Variants in NDST3 observed in about 807,000 individuals in gnomAD.
NDST3 encodes N-deacetylase and N-sulfotransferase 3, also known as bifunctional heparan sulfate N-deacetylase/N-sulfotransferase 3.
NDST3 carries 58 observed loss-of-function variants against 96.1 expected under a neutral mutation model. That is an observed-to-expected ratio of 0.60 (90% CI 0.49 to 0.75). The LOEUF (loss-of-function observed/expected upper bound fraction) is 0.75. Ranked by LOEUF, NDST3 falls within the 30% of genes least tolerant of loss-of-function variation. NDST3 has a pLI of 0.00. For missense variants in NDST3, 788 were observed against 1,034.2 expected, an observed-to-expected ratio of 0.76 and a Z score of 3.27; for synonymous variants, 333 against 359.7, an observed-to-expected ratio of 0.93 and a Z score of 0.84.
In NDST3 at chr4:118,221,518, C is replaced by T. The variant is rs180831347; in HGVS notation, c.1540-2973C>T. ...CGTTTGCACCAGGACCTGTATTTTG[C>T]TTTTTATTCTTGGTAATGAGCCATG... On this transcript the variant is annotated intron_variant, in intron 6 of 13. Coordinates refer to ENST00000296499, the MANE Select transcript of NDST3 (RefSeq NM_004784.3). Among the ~76,000 whole-genome samples, 6 of 152,032 alleles carry T rather than the reference C, an allele frequency of 3.9e-5. No individual in the cohort carries two copies. In the East Asian group the frequency reaches 1.2e-3, roughly 29 times the overall value.
intron 2 of NDST3, among the ~76,000 whole-genome samples, chr4:118,093,291 C>CTG (rs1729029947): frequency 1.3e-5 from 2 of 151,784 alleles, no homozygotes; most frequent in East Asian, 3.9e-4. Context: ...TCCTTTTCTC[C>CTG]TCAAAACATG....
In NDST3 at chr4:118,220,929, A is replaced by C. The variant is rs187236260; in HGVS notation, c.1540-3562A>C. 1.4e-3 allele frequency among the ~76,000 whole-genome samples: 216 copies of C among 152,186 alleles called. 1 individual carries two copies. Among genetic ancestry groups the C allele is most frequent in the African/African-American group, 4.9e-3 (205 of 41,542 alleles). On this transcript the variant is annotated intron_variant, in intron 6 of 13. Coordinates refer to ENST00000296499, the MANE Select transcript of NDST3 (RefSeq NM_004784.3). ...GTTAGATCTTTCCTATATGAATAAA[A>C]TATATATTTCTATGGAAAATAAAAG...
chr4:118,134,746 C>T (rs1239006638), intron 4 of NDST3, among the ~76,000 whole-genome samples: 1 of 152,152 alleles, frequency 6.6e-6, no homozygotes, highest in Non-Finnish European at 1.5e-5. Context: ...ATTAATTCCA[C>T]TTGTGATCCA....
chr4:118,082,472 C>T (rs1207970075), intron 2 of NDST3, among the ~76,000 whole-genome samples: 2 of 152,190 alleles, frequency 1.3e-5, no homozygotes, highest in African/African-American at 4.8e-5. Flanking sequence ...CCTGCACATA[C>T]AGTGGGTTGC....
chr4:118,232,878 T>C lies in NDST3; in HGVS notation c.1820-134T>C, dbSNP rs924223624. 3.2e-6 allele frequency: 3 copies of C among 924,332 alleles called. No individual in the cohort carries two copies. The African/African-American group carries it at 5.0e-5, about 15-fold the overall frequency. The allele number at this position is 924,332 out of a possible 1,614,324, so 57.3% of individuals were successfully genotyped here. A position where few individuals can be genotyped will look rare whatever the true frequency, so the allele number is the denominator to read the frequency against. On this transcript the variant is annotated intron_variant, in intron 8 of 13. Transcript: ENST00000296499. ...CTTCTATTAAACTGCCGATTATCTA[T>C]TCAATTTATTTCCAGCAGTAGTTGT... is the stretch of plus-strand genomic sequence containing the variant.
intron 4 of NDST3, among the ~76,000 whole-genome samples, chr4:118,127,652 T>G (rs1468499145): frequency 6.6e-6 from 1 of 152,068 alleles, no homozygotes; most frequent in Non-Finnish European, 1.5e-5. Context: ...TTCTTTTTGT[T>G]CAGGATAGCT....
chr4:118,093,825 T>C (rs998148116), intron 2 of NDST3, among the ~76,000 whole-genome samples: 2 of 151,876 alleles, frequency 1.3e-5, no homozygotes, highest in African/African-American at 4.8e-5. Flanking sequence ...GGGTAATTTA[T>C]AAATAATAGA....
At chr4:118,191,545 G>T (rs1737305380) in intron 6 of NDST3, among the ~76,000 whole-genome samples, 1 of 152,098 alleles carries the variant, frequency 6.6e-6, no homozygotes, top group Non-Finnish European at 1.5e-5. Flanking sequence ...AGCATGGATG[G>T]GTCTGAAAAA....
intron 6 of NDST3, among the ~76,000 whole-genome samples, chr4:118,148,239 A>C (rs1245105699): frequency 6.6e-6 from 1 of 152,230 alleles, no homozygotes; most frequent in African/African-American, 2.4e-5. Flanking sequence ...CAGAGGTTGC[A>C]GTGAGCCAAG....
intron 5 of NDST3, among the ~76,000 whole-genome samples, chr4:118,141,186 C>G (rs1578714954): frequency 6.6e-6 from 1 of 152,136 alleles, no homozygotes; most frequent in African/African-American, 2.4e-5. Flanking sequence ...CAATAGGGTT[C>G]TCAGGGGTTC....
chr4:118,235,904 C>T (rs757803130), intron 9 of NDST3, among the ~76,000 whole-genome samples: 3 of 152,174 alleles, frequency 2.0e-5, no homozygotes, highest in African/African-American at 7.2e-5. Flanking sequence ...CTGTGTTGCA[C>T]CAGCTAAGCT....
At chr4:118,240,310 A>T (rs961933293) in intron 10 of NDST3, among the ~76,000 whole-genome samples, 1 of 152,198 alleles carries the variant, frequency 6.6e-6, no homozygotes, top group African/African-American at 2.4e-5. Context: ...AACTTCTACC[A>T]GATAAATTCT....
chr4:118,185,830 T>A (rs2125958042), intron 6 of NDST3, among the ~76,000 whole-genome samples: 1 of 152,304 alleles, frequency 6.6e-6, no homozygotes, highest in East Asian at 1.9e-4. Context: ...TCCATTTACA[T>A]TATAGTTCAC....
intron 2 of NDST3, among the ~76,000 whole-genome samples, chr4:118,069,058 T>C (rs1011836571): frequency 6.6e-6 from 1 of 152,086 alleles, no homozygotes; most frequent in Non-Finnish European, 1.5e-5. Context: ...CTTGTTAGTA[T>C]TGCCTAGTAA....
intron 6 of NDST3, among the ~76,000 whole-genome samples, chr4:118,197,625 CT>C (rs2125974850): frequency 6.6e-6 from 1 of 152,140 alleles, no homozygotes; most frequent in East Asian, 1.9e-4. Flanking sequence ...ATGAATATAG[CT>C]GCTTCTGCTC....
At chr4:118,047,218 G>A (rs913709286) in intron 1 of NDST3, among the ~76,000 whole-genome samples, 1 of 152,178 alleles carries the variant, frequency 6.6e-6, no homozygotes, top group East Asian at 1.9e-4. Context: ...CCTATAGAGA[G>A]GCTTGGGCAT....
intron 6 of NDST3, among the ~76,000 whole-genome samples, chr4:118,202,426 C>A (rs910378244): frequency 1.3e-5 from 2 of 152,090 alleles, no homozygotes; most frequent in African/African-American, 4.8e-5. Flanking sequence ...GCCATTTTTA[C>A]GAAACTGATT....
chr4:118,040,288 A>T (rs921115255), intron 1 of NDST3, among the ~76,000 whole-genome samples: 2 of 152,160 alleles, frequency 1.3e-5, no homozygotes, highest in African/African-American at 4.8e-5. Flanking sequence ...AGCTTAGAGG[A>T]AGGAGGTCTG....
At chr4:118,043,593 A>G (rs1198634179) in intron 1 of NDST3, among the ~76,000 whole-genome samples, 1 of 152,242 alleles carries the variant, frequency 6.6e-6, no homozygotes, top group Non-Finnish European at 1.5e-5. Context: ...CATCTGCATG[A>G]TGCCTCACAA....
Sources: allele counts gnomAD v4.1 joint callset (sites outside exome capture counted in the v4.1 genomes callset), GRCh38; gene constraint gnomAD v4.1.1; transcripts MANE v1.5; gene names NCBI Gene and HGNC (gene_info 2026-07-23, HGNC 2026-07-21).